Variants in GAS7 observed in about 807,000 individuals in gnomAD.
GAS7 encodes the protein growth arrest specific 7, also known as growth arrest-specific protein 7.
In GAS7, 28 loss-of-function variants were observed where a neutral mutation model predicts 71.1. The observed-to-expected ratio is 0.39, with a 90% CI of 0.29 to 0.54. The LOEUF (loss-of-function observed/expected upper bound fraction) is 0.54, where lower values mean the gene tolerates loss of function less well. GAS7 is among the 20% of genes least tolerant of loss of function. GAS7 has a pLI of 0.62. For synonymous variants in GAS7, 258 were observed against 245.8 expected, an observed-to-expected ratio of 1.05 and a Z score of -0.46; for missense variants, 436 against 627.8, an observed-to-expected ratio of 0.69 and a Z score of 3.27.
rs1280074011 is a variant in GAS7 at position 9,969,685 on chromosome 17, C to A, written c.463G>T (p.Asp155Tyr). ...AHMSVRKSTG[D>Y]SQNLGSSSPS... ...TCAACAGGACCCCTTACCTGGGAAT[C>A]ACCGGTGGATTTTCGGACACTCATG... Residue 155 changes from aspartate (D) to tyrosine (Y), a missense_variant, in exon 4 of 14, where the codon GAT becomes TAT. Physicochemically the swap from Asp to Tyr is radical, Grantham distance 160 (BLOSUM62 -3). Transcript: ENST00000432992. This position sits in a 1 kb window ranked among gnomAD's most constrained non-coding sequence, Gnocchi z 5.5. The A allele has an allele frequency of 6.2e-7, 1 of 1,602,018 alleles. No homozygotes were observed. The highest frequency in any genetic ancestry group is 1.1e-5 in the South Asian group (1 of 90,792).
In GAS7 at chr17:9,917,144, G is replaced by T; in HGVS notation, c.*84C>A. ...TCCTCAGTGGCCCAGGAGAGAGGGT[G>T]GGGGGCATCCACTCGGCATGGGCCC... On this transcript the variant is annotated 3_prime_UTR_variant, in exon 14 of 14. Coordinates refer to ENST00000432992, the MANE Select transcript of GAS7 (RefSeq NM_201433.2). 1 of 860,750 alleles carries T rather than the reference G, an allele frequency of 1.2e-6. No homozygotes were observed. The highest frequency in any genetic ancestry group is 2.0e-6 in the Non-Finnish European group (1 of 498,388). The allele number at this position is 860,750 out of a possible 1,614,324, so 53.3% of individuals were successfully genotyped here.
chr17:9,963,965 G>A (rs2069604187), intron 4 of GAS7, among the ~76,000 whole-genome samples: 1 of 152,036 alleles, frequency 6.6e-6, no homozygotes, highest in Admixed American at 6.6e-5. Context: ...GGAGGGGATG[G>A]GAGCACAAAT....
chr17:10,094,743 C>G (rs2152257966), intron 1 of GAS7, among the ~76,000 whole-genome samples: 1 of 152,290 alleles, frequency 6.6e-6, no homozygotes, highest in South Asian at 2.1e-4. Context: ...GCTGGGATTA[C>G]AGGTGTGAGC....
At chr17:10,030,303 A>G (rs987894894) in intron 1 of GAS7, among the ~76,000 whole-genome samples, 1 of 152,218 alleles carries the variant, frequency 6.6e-6, no homozygotes, top group Non-Finnish European at 1.5e-5. Flanking sequence ...GGATGAAGGA[A>G]AAATCAGTAG....
At position 10,004,964 on chromosome 17, in the gene GAS7, C is replaced by T. The variant is rs563324325; in HGVS notation, c.304+14813G>A. Among the ~76,000 whole-genome samples, 5 of 152,182 alleles carry T rather than the reference C, an allele frequency of 3.3e-5. 1 individual carries two copies. In the South Asian group the frequency reaches 1.0e-3, roughly 32 times the overall value. On this transcript the variant is annotated intron_variant, in intron 2 of 13. Coordinates refer to ENST00000432992, the MANE Select transcript of GAS7 (RefSeq NM_201433.2). ...GGCAGAGGTTGCAGTGAGCTGAGAT[C>T]GCGCCATTGCACTCCAGCCTCGGCG...
intron 1 of GAS7, among the ~76,000 whole-genome samples, chr17:10,128,136 C>T (rs1193825813): frequency 6.6e-6 from 1 of 152,252 alleles, no homozygotes; most frequent in Non-Finnish European, 1.5e-5. Context: ...TGCGTACATC[C>T]TCCCCAGCCC....
intron 5 of GAS7, among the ~76,000 whole-genome samples, chr17:9,952,757 C>T (rs1262564370): frequency 2.0e-5 from 3 of 152,120 alleles, no homozygotes; most frequent in Non-Finnish European, 4.4e-5. Context: ...CTCATCACCG[C>T]TAATCATTAA....
At chr17:10,130,028 G>C (rs558733597) in intron 1 of GAS7, among the ~76,000 whole-genome samples, 42 of 152,090 alleles carry the variant, frequency 2.8e-4, no homozygotes, top group African/African-American at 9.2e-4. Flanking sequence ...AATTAGCCAG[G>C]TGTGGTGGCG....
chr17:10,009,208 C>A (rs1264817198), intron 2 of GAS7, among the ~76,000 whole-genome samples: 4 of 148,982 alleles, frequency 2.7e-5, no homozygotes, highest in Non-Finnish European at 6.0e-5. Flanking sequence ...GTAGTCCCAG[C>A]TACTTGGGAG....
intron 1 of GAS7, among the ~76,000 whole-genome samples, chr17:10,146,592 A>G (rs1206593328): frequency 1.3e-5 from 2 of 151,650 alleles, no homozygotes; most frequent in Non-Finnish European, 2.9e-5. Context: ...GGGTTTAAAC[A>G]CTCCCTCCAG....
At chr17:9,950,030 G>C (rs2068944308) in intron 5 of GAS7, among the ~76,000 whole-genome samples, 2 of 151,834 alleles carry the variant, frequency 1.3e-5, no homozygotes, top group Admixed American at 1.3e-4. Flanking sequence ...CACCTGGCTA[G>C]TTTTTGTATT....
intron 1 of GAS7, among the ~76,000 whole-genome samples, chr17:10,148,997 T>C (rs1047085015): frequency 2.0e-5 from 3 of 151,716 alleles, no homozygotes; most frequent in African/African-American, 7.3e-5. Context: ...CCCTGGCCCA[T>C]ATGATCCAAT....
chr17:9,989,443 C>T (rs1486968551), intron 2 of GAS7, among the ~76,000 whole-genome samples: 1 of 152,182 alleles, frequency 6.6e-6, no homozygotes, highest in Non-Finnish European at 1.5e-5. Flanking sequence ...CCTCCTCCTT[C>T]AGCTTAAATT....
intron 3 of GAS7, among the ~76,000 whole-genome samples, chr17:9,975,793 C>G (rs936311794): frequency 6.6e-6 from 1 of 152,166 alleles, no homozygotes; most frequent in African/African-American, 2.4e-5. Context: ...TCAAACAAGG[C>G]AACAGCATGC....
chr17:9,939,357 G>T (rs2068514812), intron 8 of GAS7, among the ~76,000 whole-genome samples: 1 of 152,150 alleles, frequency 6.6e-6, no homozygotes, highest in African/African-American at 2.4e-5. Context: ...ACTCAAGGAG[G>T]TCTGGACAGT....
chr17:10,098,681 C>T (rs540451692), intron 1 of GAS7, among the ~76,000 whole-genome samples: 3 of 152,306 alleles, frequency 2.0e-5, no homozygotes, highest in Non-Finnish European at 2.9e-5. Context: ...AACAGGTGGC[C>T]GGGCGCGGTG....
intron 1 of GAS7, among the ~76,000 whole-genome samples, chr17:10,052,411 A>C (rs1425524935): frequency 6.6e-6 from 1 of 152,204 alleles, no homozygotes; most frequent in Non-Finnish European, 1.5e-5. Flanking sequence ...GAGGGGTCCC[A>C]GCGGGGAGAA....
chr17:9,998,425 C>T (rs2071128324), intron 2 of GAS7, among the ~76,000 whole-genome samples: 1 of 152,148 alleles, frequency 6.6e-6, no homozygotes, highest in Non-Finnish European at 1.5e-5. Context: ...CGATGAGTGG[C>T]CACTTCTGCC....
chr17:10,196,926 T>C (rs927084263), intron 1 of GAS7, among the ~76,000 whole-genome samples: 1 of 152,126 alleles, frequency 6.6e-6, no homozygotes. Context: ...ATCTCCGGAT[T>C]CTCCAGATAC....
Sources: allele counts gnomAD v4.1 joint callset (sites outside exome capture counted in the v4.1 genomes callset), GRCh38; gene constraint gnomAD v4.1.1; non-coding constraint Gnocchi (gnomAD v3.1); transcripts MANE v1.5; gene names NCBI Gene and HGNC (gene_info 2026-07-23, HGNC 2026-07-21).